Variants in PRKCE observed in about 807,000 individuals in gnomAD.
PRKCE encodes the protein protein kinase C epsilon, also known as protein kinase C epsilon type.
In PRKCE, 16 loss-of-function variants were observed where a neutral mutation model predicts 85.4. That is an observed-to-expected ratio of 0.19 (90% CI 0.13 to 0.28). The LOEUF (loss-of-function observed/expected upper bound fraction) is 0.28, where lower values mean the gene tolerates loss of function less well. Ranked by LOEUF, PRKCE falls within the 10% of genes least tolerant of loss-of-function variation. The pLI is 1.00. For missense variants in PRKCE, 573 were observed against 975.2 expected (o/e 0.59, Z 5.49); for synonymous variants, 388 against 371.5 (o/e 1.04, Z -0.51).
intron 1 of PRKCE, among the ~76,000 whole-genome samples, chr2:45,686,846 C>T (rs1350698617): frequency 6.6e-6 from 1 of 152,076 alleles, no homozygotes; most frequent in South Asian, 2.1e-4. Context: ...GAAAATTTGT[C>T]TTTGGTGGCA....
intron 10 of PRKCE, among the ~76,000 whole-genome samples, chr2:46,037,257 A>C (rs182710828): frequency 8.8e-4 from 134 of 152,330 alleles, no homozygotes; most frequent in African/African-American, 3.1e-3. Context: ...TATTCTTATG[A>C]AAAGTGTGGC....
At chr2:46,009,490 A>C (rs1218307073) in intron 9 of PRKCE, among the ~76,000 whole-genome samples, 1 of 152,258 alleles carries the variant, frequency 6.6e-6, no homozygotes, top group Non-Finnish European at 1.5e-5. Flanking sequence ...ACACCTATTA[A>C]GTGAGCAAAA....
intron 2 of PRKCE, among the ~76,000 whole-genome samples, chr2:45,967,209 C>T (rs537208613): frequency 2.0e-5 from 3 of 152,300 alleles, no homozygotes; most frequent in South Asian, 4.2e-4. Flanking sequence ...ACTACAGGAT[C>T]CAGAGCTGGC....
rs954118704 is a variant in PRKCE, at chr2:46,187,003, T to C, written c.*2122T>C. 52 of 152,480 alleles carry C rather than the reference T, an allele frequency of 3.4e-4. No homozygotes were observed. Among genetic ancestry groups the C allele is most frequent in the Admixed American group, 2.0e-4 (3 of 15,282 alleles). The allele number at this position is 152,480 out of a possible 1,614,324, so 9.4% of individuals were successfully genotyped here. ...ATTTATCTTCGGTAACTTGACATTC[T>C]GGAGAGAGACTATCTTCTGGAGTTG... On this transcript the variant is annotated 3_prime_UTR_variant, in exon 15 of 15. Transcript: ENST00000306156.
rs1383548965 is a variant in PRKCE at position 46,004,645 on chromosome 2, C to G, written c.1063+7C>G. 2.5e-6 allele frequency: 4 copies of G among 1,569,726 alleles called. No homozygotes were observed. Among genetic ancestry groups the G allele is most frequent in the Middle Eastern group, 3.3e-4 (2 of 6,048 alleles). On this transcript the variant is annotated splice_region_variant and intron_variant, in intron 8 of 14. Coordinates refer to ENST00000306156, the MANE Select transcript of PRKCE (RefSeq NM_005400.3). The surrounding 1 kb of genome is among the most constrained non-coding windows in gnomAD (Gnocchi z 4.1). ...ACCTCCCCTTGTGACCAGGGTGAGA[C>G]CCTCAGATTTGCTTCCTGACCTCTG...
rs530215638 is a variant in PRKCE at position 45,746,604 on chromosome 2, C to A, written c.348+94156C>A. 3.3e-5 allele frequency among the ~76,000 whole-genome samples: 5 copies of A among 152,276 alleles called. No homozygotes were observed. The East Asian group carries it at 9.6e-4, about 29-fold the overall frequency. ...TGAAATGTGGATAGTGCTACTTATT[C>A]TTTGATGGTTTGTGCCAGGACAAGG... On this transcript the variant is annotated intron_variant, in intron 1 of 14. Coordinates refer to ENST00000306156, the MANE Select transcript of PRKCE (RefSeq NM_005400.3).
At chr2:45,817,536 AC>A (rs1168566937) in intron 1 of PRKCE, among the ~76,000 whole-genome samples, 2 of 84,502 alleles carry the variant, frequency 2.4e-5, no homozygotes, top group Admixed American at 1.4e-4. Context: ...TAATAAAAAT[AC>A]AAAAAAATCA....
intron 1 of PRKCE, among the ~76,000 whole-genome samples, chr2:45,791,926 A>C (rs200485265): frequency 6.6e-6 from 1 of 152,234 alleles, no homozygotes; most frequent in East Asian, 1.9e-4. Context: ...AATGAGGATA[A>C]TGGCACCTGT....
intron 1 of PRKCE, among the ~76,000 whole-genome samples, chr2:45,725,969 C>A (rs890146632): frequency 6.6e-6 from 1 of 152,136 alleles, no homozygotes; most frequent in Non-Finnish European, 1.5e-5. Flanking sequence ...GGTTTCAGTA[C>A]TTCAGCTGGG....
chr2:45,989,392 G>C (rs1703615711), intron 6 of PRKCE, among the ~76,000 whole-genome samples: 1 of 152,216 alleles, frequency 6.6e-6, no homozygotes, highest in South Asian at 2.1e-4. Context: ...AAACAGGAGT[G>C]GTGGCCTGAA....
chr2:46,041,301 T>G lies in PRKCE; in HGVS notation c.1437+30784T>G, dbSNP rs1285756779. Among the ~76,000 whole-genome samples the G allele has an allele frequency of 6.6e-6, 1 of 152,264 alleles. No homozygotes were observed. The highest frequency in any genetic ancestry group is 1.5e-5 in the Non-Finnish European group (1 of 68,044). ...TAAAACAAAACAAAATCCCTTTTCA[T>G]GTAATGATTGGCTCATTGGTTTTTC... On this transcript the variant is annotated intron_variant, in intron 10 of 14. Transcript: ENST00000306156. This position sits in a 1 kb window ranked among gnomAD's most constrained non-coding sequence, Gnocchi z 5.5.
At chr2:46,169,514 G>A (rs1678682009) in intron 14 of PRKCE, among the ~76,000 whole-genome samples, 1 of 152,184 alleles carries the variant, frequency 6.6e-6, no homozygotes, top group African/African-American at 2.4e-5. Context: ...TATTTCAGGT[G>A]TGAGAGCCCA....
At chr2:46,017,006 A>G (rs1191980425) in intron 10 of PRKCE, among the ~76,000 whole-genome samples, 1 of 116,374 alleles carries the variant, frequency 8.6e-6, no homozygotes, top group Non-Finnish European at 1.7e-5. Context: ...ACCATACTCT[A>G]TGGTTATTCA....
chr2:45,821,758 T>TATTC (rs1355611570), intron 1 of PRKCE, among the ~76,000 whole-genome samples: 7 of 152,096 alleles, frequency 4.6e-5, no homozygotes, highest in Non-Finnish European at 1.0e-4. Context: ...GTTGTGGAAA[T>TATTC]GAATGTCACC....
chr2:45,698,217 T>C (rs990521134), intron 1 of PRKCE, among the ~76,000 whole-genome samples: 1 of 152,256 alleles, frequency 6.6e-6, no homozygotes, highest in African/African-American at 2.4e-5. Flanking sequence ...CGTAGTGATC[T>C]ACTTTATAGA....
chr2:46,010,931 A>G (rs1705618603), intron 10 of PRKCE: 1 of 1,426,566 alleles, frequency 7.0e-7, no homozygotes, highest in African/African-American at 1.4e-5. Context: ...TAATCTGTGT[A>G]ATGTCATCTG....
At chr2:45,787,014 C>T (rs1018170167) in intron 1 of PRKCE, among the ~76,000 whole-genome samples, 13 of 152,198 alleles carry the variant, frequency 8.5e-5, no homozygotes, top group Non-Finnish European at 1.8e-4. Flanking sequence ...CCCCTGGATC[C>T]GATGATCCTA....
chr2:45,933,706 G>C (rs1699233152), intron 2 of PRKCE, among the ~76,000 whole-genome samples: 1 of 151,964 alleles, frequency 6.6e-6, no homozygotes, highest in African/African-American at 2.4e-5. Context: ...TCGATCTCCT[G>C]ACCTCGTGAT....
chr2:45,839,042 GA>G (rs1691128934), intron 1 of PRKCE, among the ~76,000 whole-genome samples: 3 of 152,110 alleles, frequency 2.0e-5, no homozygotes, highest in Admixed American at 2.0e-4. Context: ...GAGGCATACA[GA>G]GGGTAGCTGC....
Sources: gnomAD v4.1 joint callset for allele counts (sites outside exome capture counted in the v4.1 genomes callset) on GRCh38, gnomAD v4.1.1 for gene constraint, Gnocchi (gnomAD v3.1) non-coding constraint, MANE v1.5 for transcripts, NCBI Gene and HGNC (gene_info 2026-07-23, HGNC 2026-07-21) for gene names.